Variants in PDE10A observed in about 807,000 individuals in gnomAD.
The protein encoded by PDE10A is cAMP and cAMP-inhibited cGMP 3',5'-cyclic phosphodiesterase 10A.
Under a neutral mutation model 97.7 loss-of-function variants are expected in PDE10A, and 39 were observed. That is an observed-to-expected ratio of 0.40 (90% CI 0.31 to 0.52). The LOEUF (loss-of-function observed/expected upper bound fraction) is 0.52. Ranked by LOEUF, PDE10A falls within the 20% of genes least tolerant of loss-of-function variation. The probability of loss-of-function intolerance (pLI) is 0.56; values close to 1 mark genes in which losing one functional copy is unlikely to be tolerated. For missense variants in PDE10A, 731 were observed against 1,047.8 expected (o/e 0.70, Z 4.17); for synonymous variants, 371 against 376.8 (o/e 0.98, Z 0.18).
At chr6:165,528,740 T>C (rs1166911552) in intron 2 of PDE10A, among the ~76,000 whole-genome samples, 3 of 152,132 alleles carry the variant, frequency 2.0e-5, no homozygotes, top group African/African-American at 7.2e-5. Context: ...TGGGCTGATG[T>C]TCATGGAATT....
intron 1 of PDE10A, among the ~76,000 whole-genome samples, chr6:165,620,199 A>G (rs115042749): frequency 6.2e-4 from 95 of 152,304 alleles, no homozygotes; most frequent in African/African-American, 2.2e-3. Flanking sequence ...ATTTTGCAAT[A>G]CCCAGAACCA....
chr6:165,409,725 A>G (rs1274220593), intron 13 of PDE10A: 1 of 152,208 alleles, frequency 6.6e-6, no homozygotes, highest in African/African-American at 2.4e-5. Context: ...ACTACTTGTC[A>G]CTGTTGGAGA....
At chr6:165,981,755 CTGTT>C (rs1785024985) in intron 1 of PDE10A, among the ~76,000 whole-genome samples, 2 of 152,210 alleles carry the variant, frequency 1.3e-5, no homozygotes, top group South Asian at 2.1e-4. Flanking sequence ...GCTTGTATGA[CTGTT>C]TGTTTGTCTT....
At chr6:165,934,983 A>G (rs79548319) in intron 1 of PDE10A, among the ~76,000 whole-genome samples, 137 of 152,352 alleles carry the variant, frequency 9.0e-4, no homozygotes, top group Non-Finnish European at 1.8e-3. Context: ...TTTGGGGCTC[A>G]AAAAGATTCC....
At chr6:165,792,368 A>G (rs1778680266) in intron 1 of PDE10A, among the ~76,000 whole-genome samples, 1 of 152,194 alleles carries the variant, frequency 6.6e-6, no homozygotes, top group Admixed American at 6.5e-5. Context: ...AAAGTTGATC[A>G]GCGTCAACGC....
chr6:165,928,891 CT>C (rs1783032274), intron 1 of PDE10A, among the ~76,000 whole-genome samples: 1 of 152,218 alleles, frequency 6.6e-6, no homozygotes. Flanking sequence ...AGATAGGATT[CT>C]TTGGTTGAGA....
intron 18 of PDE10A, among the ~76,000 whole-genome samples, chr6:165,365,643 C>A (rs1338573274): frequency 6.6e-6 from 1 of 152,140 alleles, no homozygotes; most frequent in Admixed American, 6.5e-5. Context: ...ACCCTTGAGC[C>A]TGGGAGGTCA....
intron 1 of PDE10A, among the ~76,000 whole-genome samples, chr6:165,681,535 T>G (rs1464895015): frequency 6.6e-6 from 1 of 152,110 alleles, no homozygotes; most frequent in Admixed American, 6.5e-5. Context: ...GGAGTAGTGC[T>G]GAAAACCTGC....
chr6:165,485,858 T>C (rs1357916103), intron 2 of PDE10A, among the ~76,000 whole-genome samples: 1 of 152,160 alleles, frequency 6.6e-6, no homozygotes, highest in East Asian at 1.9e-4. Context: ...CCTCCCAAAG[T>C]GCAGGGATTA....
At chr6:165,700,799 C>T (rs796094142) in intron 1 of PDE10A, among the ~76,000 whole-genome samples, 2 of 152,196 alleles carry the variant, frequency 1.3e-5, no homozygotes, top group African/African-American at 4.8e-5. Flanking sequence ...GAAGTTGACA[C>T]TTAACATTTA....
intron 1 of PDE10A, among the ~76,000 whole-genome samples, chr6:165,811,085 G>A (rs1196464818): frequency 2.6e-5 from 4 of 152,018 alleles, no homozygotes; most frequent in East Asian, 1.9e-4. Context: ...TTAGCTGGGC[G>A]TGGTCCACGT....
chr6:165,347,318 A>G (rs1381032321), intron 18 of PDE10A, among the ~76,000 whole-genome samples: 1 of 152,194 alleles, frequency 6.6e-6, no homozygotes, highest in East Asian at 1.9e-4. Context: ...TTAAAATCTT[A>G]CTGTTTCCAA....
chr6:165,569,131 C>G (rs899414665), intron 1 of PDE10A, among the ~76,000 whole-genome samples: 2 of 152,054 alleles, frequency 1.3e-5, no homozygotes, highest in Non-Finnish European at 2.9e-5. Context: ...AAATTAAGTC[C>G]ATTTTATTAT....
At chr6:165,717,263 T>G (rs532882662) in intron 1 of PDE10A, among the ~76,000 whole-genome samples, 1 of 152,202 alleles carries the variant, frequency 6.6e-6, no homozygotes, top group Non-Finnish European at 1.5e-5. Context: ...TTGACTTGCT[T>G]CTACCTCTGG....
At chr6:165,944,310 CTT>C (rs1195443651) in intron 1 of PDE10A, among the ~76,000 whole-genome samples, 1 of 152,186 alleles carries the variant, frequency 6.6e-6, no homozygotes, top group East Asian at 1.9e-4. Flanking sequence ...ATCACCGTCT[CTT>C]TAATTTCTCC....
rs559869353 is a variant in PDE10A, at chr6:165,327,863, T to C, written c.*5162A>G. The C allele has an allele frequency of 1.3e-5, 2 of 152,378 alleles. No individual in the cohort carries two copies. The highest frequency in any genetic ancestry group is 4.8e-5 in the African/African-American group (2 of 41,594). 9.4% of individuals were successfully genotyped at this position (152,378 alleles called of 1,614,324 possible). A position where few individuals can be genotyped will look rare whatever the true frequency, so the allele number is the denominator to read the frequency against. On this transcript the variant is annotated 3_prime_UTR_variant, in exon 22 of 22. Transcript: ENST00000539869. ...AATCAGTTCTTCATGAGCATTGTAT[T>C]TGTGATGGCATATAACCTGTGTTAC... is the stretch of plus-strand genomic sequence containing the variant.
In PDE10A at chr6:165,741,522, CAA is replaced by C. The variant is rs547325099; in HGVS notation, c.-614-197956_-614-197955del. On this transcript the variant is annotated intron_variant, in intron 1 of 19. Coordinates refer to the PDE10A transcript ENST00000366882. ...GAAGTTTAAATTATACAATTAATCT[CAA>C]GAGTGATTTGACTATTAGTAGTAAA... Among the ~76,000 whole-genome samples, 554 of 152,222 alleles carry C rather than the reference CAA, an allele frequency of 3.6e-3. 2 individuals are homozygous for C. The highest frequency in any genetic ancestry group is 0.013 in the African/African-American group (531 of 41,542).
intron 13 of PDE10A, among the ~76,000 whole-genome samples, chr6:165,406,386 AC>A (rs1476930531): frequency 6.6e-6 from 1 of 152,134 alleles, no homozygotes; most frequent in Non-Finnish European, 1.5e-5. Context: ...TTGGGAATAT[AC>A]AATACTCTTA....
chr6:165,852,117 A>G (rs1345871139), intron 1 of PDE10A, among the ~76,000 whole-genome samples: 1 of 152,180 alleles, frequency 6.6e-6, no homozygotes, highest in Non-Finnish European at 1.5e-5. Flanking sequence ...TTTCTACGAA[A>G]GAAGAAAGTC....
Sources: gnomAD v4.1 joint callset for allele counts (sites outside exome capture counted in the v4.1 genomes callset) on GRCh38, gnomAD v4.1.1 for gene constraint, MANE v1.5 for transcripts, NCBI Gene and HGNC (gene_info 2026-07-23, HGNC 2026-07-21) for gene names.